The following ACOT7 variants were observed in gnomAD, a reference collection of about 807,000 sequenced individuals.
ACOT7 encodes the protein cytosolic acyl coenzyme A thioester hydrolase.
Under a neutral mutation model 40.2 loss-of-function variants are expected in ACOT7, and 12 were observed. The observed-to-expected ratio is 0.30, with a 90% CI of 0.19 to 0.48. The LOEUF is 0.48. Among genes scored for constraint, ACOT7 ranks in the 20% least tolerant of loss-of-function variants. ACOT7 has a pLI of 0.99. For missense variants in ACOT7, 395 were observed against 530.8 expected (o/e 0.74, Z 2.51); for synonymous variants, 228 against 219.5 (o/e 1.04, Z -0.34).
intron 8 of ACOT7, among the ~76,000 whole-genome samples, chr1:6,271,640 G>C (rs989408571): frequency 3.3e-5 from 5 of 152,170 alleles, no homozygotes; most frequent in African/African-American, 1.2e-4. Context: ...CATCCGCTGT[G>C]GCCTCTCCCA....
rs2148379843 is a variant in ACOT7, at chr1:6,281,599, C to G, written c.830-313G>C. Among the ~76,000 whole-genome samples the G allele has an allele frequency of 1.3e-5, 2 of 152,340 alleles. 1 individual carries two copies. The highest frequency in any genetic ancestry group is 4.1e-4 in the South Asian group (2 of 4,834). ...AGCACCTGCTGAAAGGCTTCAGAGC[C>G]ACTGTGCCCCCACGGGGGAGGCCGC... is the stretch of plus-strand genomic sequence containing the variant. On this transcript the variant is annotated intron_variant, in intron 7 of 8. Transcript: ENST00000361521.
intron 1 of ACOT7, chr1:6,385,802 C>A (rs1404303130): frequency 2.1e-6 from 3 of 1,421,234 alleles, no homozygotes; most frequent in Admixed American, 2.9e-5. Flanking sequence ...GCTCCTGCTC[C>A]TCCTAGGACC....
At chr1:6,329,053 AGGGCCCCTCT>A (rs755102184) in intron 4 of ACOT7, among the ~76,000 whole-genome samples, 1 of 152,260 alleles carries the variant, frequency 6.6e-6, no homozygotes, top group Admixed American at 6.5e-5. Flanking sequence ...CACGGAACTC[AGGGCCCCTCT>A]GGGCCCCTCG....
chr1:6,371,349 G>C (rs1642129780), intron 1 of ACOT7, among the ~76,000 whole-genome samples: 1 of 146,242 alleles, frequency 6.8e-6, no homozygotes, highest in Non-Finnish European at 1.5e-5. Context: ...CCTAACAAGA[G>C]AGTCAGCCTG....
At chr1:6,385,415 A>T in intron 1 of ACOT7, 1 of 1,501,036 alleles carries the variant, frequency 6.7e-7, no homozygotes, top group Non-Finnish European at 9.0e-7. Flanking sequence ...CCTCCAAGTT[A>T]TGCGGCCCAA....
chr1:6,364,846 CAAAAAAA>C lies in ACOT7; in HGVS notation c.144-14987_144-14981del, dbSNP rs770975001. The stretch of plus-strand genomic sequence containing the variant: ...CTGGGGACAGAGCGAGACTCCATCT[CAAAAAAA>C]AAAAAAAAAAAAAAAAAAAATTAGC... On this transcript the variant is annotated intron_variant, in intron 1 of 8. Coordinates refer to ENST00000361521, the MANE Select transcript of ACOT7 (RefSeq NM_007274.4). Among the ~76,000 whole-genome samples, 95 of 37,554 alleles carry C rather than the reference CAAAAAAA, an allele frequency of 2.5e-3. 1 individual carries two copies. The highest frequency in any genetic ancestry group is 0.01 in the East Asian group (10 of 992). The allele number at this position is 37,554 out of a possible 152,430, so 24.6% of individuals were successfully genotyped here. A position where few individuals can be genotyped will look rare whatever the true frequency, so the allele number is the denominator to read the frequency against.
rs994816305 is a variant in ACOT7, at chr1:6,301,785, G to A, written c.713-6805C>T. 6.6e-5 allele frequency among the ~76,000 whole-genome samples: 10 copies of A among 152,170 alleles called. No homozygotes were observed. Among genetic ancestry groups the A allele is most frequent in the African/African-American group, 2.4e-4 (10 of 41,442 alleles). On this transcript the variant is annotated intron_variant, in intron 6 of 8. Coordinates refer to ENST00000361521, the MANE Select transcript of ACOT7 (RefSeq NM_007274.4). This position sits in a 1 kb window ranked among gnomAD's most constrained non-coding sequence, Gnocchi z 4.1. ...CTCATCCGGTCCCAGAAACCCCAAAGCCAGGTGAGCTTGATGACCGGCCAA... is the reference window on the plus strand; with the variant it reads ...CTCATCCGGTCCCAGAAACCCCAAAACCAGGTGAGCTTGATGACCGGCCAA...
chr1:6,355,904 C>A lies in ACOT7; in HGVS notation c.144-6038G>T. On this transcript the variant is annotated intron_variant, in intron 1 of 8. Transcript: ENST00000361521. The surrounding 1 kb of genome is among the most constrained non-coding windows in gnomAD (Gnocchi z 5.0). ...AGGGGAGCCGCTCCTGCCCCCTGGC[C>A]TCACCTTGAGGGCTGGCCATGCCTC... Among the ~76,000 whole-genome samples, 1 of 152,118 alleles carries A rather than the reference C, an allele frequency of 6.6e-6. No homozygotes were observed.
chr1:6,318,440 C>A, intron 6 of ACOT7, 52 bp downstream of exon 6: 2 of 1,576,262 alleles, frequency 1.3e-6, no homozygotes, highest in Admixed American at 3.5e-5. Context: ...GCCAGAGAAG[C>A]AACAATGAGC....
intron 2 of ACOT7, among the ~76,000 whole-genome samples, chr1:6,341,211 G>A (rs56232569): frequency 5.5e-4 from 83 of 150,876 alleles, no homozygotes; most frequent in African/African-American, 1.9e-3. Flanking sequence ...GTGCAATCTC[G>A]GTTCACTGCA....
rs1257631971 is a variant in ACOT7, at chr1:6,392,888, G to A, written c.143+369C>T. On this transcript the variant is annotated intron_variant, in intron 1 of 8. Transcript: ENST00000361521. ...GACCACGGGGCTGAGGCTCCGGGAT[G>A]CTCGGGCGAGGCCCGAGGCGGGGCG... Among the ~76,000 whole-genome samples, 4 of 152,186 alleles carry A rather than the reference G, an allele frequency of 2.6e-5. No homozygotes were observed. In the East Asian group the frequency reaches 7.7e-4, roughly 29 times the overall value.
intron 5 of ACOT7, among the ~76,000 whole-genome samples, chr1:6,320,944 G>A (rs1364765861): frequency 6.6e-6 from 1 of 152,198 alleles, no homozygotes; most frequent in Admixed American, 6.5e-5. Context: ...ACCTACACTT[G>A]CACCCTTTAT....
In ACOT7 at chr1:6,294,873, T is replaced by G; in HGVS notation, c.820A>C (p.Ile274Leu). 1 of 1,613,934 alleles carries G rather than the reference T, an allele frequency of 6.2e-7. No homozygotes were observed. The highest frequency in any genetic ancestry group is 8.5e-7 in the Non-Finnish European group (1 of 1,179,892). ...SVDAINFHDK[I>L]RKGCVITISG... The stretch of plus-strand genomic sequence containing the variant: ...CCAGAAGAGTGGTTACCTTTTCTGA[T>G]CTTGTCATGAAAATTAATGGCGTCC... Residue 274 changes from isoleucine (I) to leucine (L), a missense_variant, in exon 7 of 9, where the codon ATC becomes CTC. Physicochemically the swap from Ile to Leu is conservative, Grantham distance 5. Around this residue, in one of 2 missense-constraint regions of ACOT7, gnomAD observed 309 missense variants for 470.3 expected, o/e 0.66. Coordinates refer to ENST00000361521, the MANE Select transcript of ACOT7 (RefSeq NM_007274.4). This position sits in a 1 kb window ranked among gnomAD's most constrained non-coding sequence, Gnocchi z 4.6.
At chr1:6,375,648 C>T (rs1642215102) in intron 1 of ACOT7, among the ~76,000 whole-genome samples, 1 of 151,654 alleles carries the variant, frequency 6.6e-6, no homozygotes, top group Admixed American at 6.6e-5. Flanking sequence ...TACAAAAAAA[C>T]TTTTTAGGCC....
At position 6,306,422 on chromosome 1, in the gene ACOT7, T is replaced by TTATC. The variant is rs754086187; in HGVS notation, c.713-11443_713-11442insGATA. The TTATC allele has an allele frequency of 2.0e-6, 2 of 984,444 alleles. No homozygotes were observed. Among genetic ancestry groups the TTATC allele is most frequent in the South Asian group, 9.4e-5 (2 of 21,224 alleles). 61.0% of individuals were successfully genotyped at this position (984,444 alleles called of 1,614,324 possible). ...TGCCTATAGGATGCTTGGACTGGAG[T>TTATC]GATATGAACCCCACGCCCAGGCTTT... On this transcript the variant is annotated intron_variant, in intron 6 of 8. Transcript: ENST00000361521. This position sits in a 1 kb window ranked among gnomAD's most constrained non-coding sequence, Gnocchi z 4.3.
chr1:6,388,132 C>T (rs1367945969), intron 1 of ACOT7, among the ~76,000 whole-genome samples: 1 of 150,760 alleles, frequency 6.6e-6, no homozygotes, highest in African/African-American at 2.4e-5. Context: ...TTTTTGAGAC[C>T]AAGTCTCACT....
intron 8 of ACOT7, among the ~76,000 whole-genome samples, chr1:6,279,931 C>T (rs1571264916): frequency 1.3e-5 from 2 of 152,202 alleles, no homozygotes; most frequent in South Asian, 2.1e-4. Context: ...AGCGACAGGC[C>T]GTGCTCCAGG....
At chr1:6,348,191 A>C (rs1235455811) in intron 2 of ACOT7, among the ~76,000 whole-genome samples, 1 of 152,056 alleles carries the variant, frequency 6.6e-6, no homozygotes, top group African/African-American at 2.4e-5. Context: ...CAGCCCAGCC[A>C]GCGAGCCCCT....
At chr1:6,308,492 A>C (rs1344583635) in intron 6 of ACOT7, among the ~76,000 whole-genome samples, 1 of 151,748 alleles carries the variant, frequency 6.6e-6, no homozygotes, top group African/African-American at 2.4e-5. Context: ...GGGAACCACA[A>C]CCAGGCAGAG....
Sources: gnomAD v4.1 joint callset for allele counts (sites outside exome capture counted in the v4.1 genomes callset) on GRCh38, gnomAD v4.1.1 for gene constraint, gnomAD v4.1.1 regional missense constraint, Gnocchi (gnomAD v3.1) non-coding constraint, MANE v1.5 for transcripts, NCBI Gene and HGNC (gene_info 2026-07-23, HGNC 2026-07-21) for gene names.